The following LATS1 variants were observed in gnomAD, a reference collection of about 807,000 sequenced individuals.
LATS1 encodes the protein large tumor suppressor kinase 1.
LATS1 carries 25 observed loss-of-function variants against 106.6 expected under a neutral mutation model. The observed-to-expected ratio is 0.23, with a 90% CI of 0.17 to 0.33. The LOEUF is 0.33. Among genes scored for constraint, LATS1 ranks in the 10% least tolerant of loss-of-function variants. LATS1 has a pLI of 1.00. For synonymous variants in LATS1, 465 were observed against 455.6 expected (o/e 1.02, Z -0.26); for missense variants, 1,040 against 1,382.6 (o/e 0.75, Z 3.93).
chr6:149,694,089 C>CAAAAAAA (rs1782929934), intron 3 of LATS1, among the ~76,000 whole-genome samples: 1 of 151,398 alleles, frequency 6.6e-6, no homozygotes, highest in Non-Finnish European at 1.5e-5. Context: ...AACTCCATCT[C>CAAAAAAA]AAAAAAATAA....
chr6:149,701,907 G>A lies in LATS1; in HGVS notation c.220C>T (p.His74Tyr). 1 of 1,614,118 alleles carries A rather than the reference G, an allele frequency of 6.2e-7. No homozygotes were observed. Among genetic ancestry groups the A allele is most frequent in the African/African-American group, 1.3e-5 (1 of 75,050 alleles). ...QVRNPPKFGT[H>Y]HKALQEIRNS... The stretch of plus-strand genomic sequence containing the variant: ...CGAATTTCCTGCAAGGCTTTATGAT[G>A]CGTCCCAAATTTGGGTGGATTTCTG... The change falls in exon 2 of 8, where the codon CAT (histidine) becomes TAT (tyrosine). Residue 74 changes from histidine (H) to tyrosine (Y), a missense_variant. By Grantham distance (83) the His-to-Tyr change is moderately conservative. This residue lies in a region of LATS1 where 624 missense variants were observed against 714.8 expected (regional missense o/e 0.87). Coordinates refer to ENST00000543571, the MANE Select transcript of LATS1 (RefSeq NM_004690.4).
chr6:149,659,082 T>C lies in LATS1; in HGVS notation c.*2647A>G, dbSNP rs1050365630. The stretch of plus-strand genomic sequence containing the variant: ...TTTGGAATAAGATAGCTGATAAGTA[T>C]ATCCAAACTGTTAAAATTGCTGATA... On this transcript the variant is annotated 3_prime_UTR_variant, in exon 8 of 8. Coordinates refer to ENST00000543571, the MANE Select transcript of LATS1 (RefSeq NM_004690.4). The C allele has an allele frequency of 3.8e-5, 6 of 155,896 alleles. No homozygotes were observed. The highest frequency in any genetic ancestry group is 1.2e-4 in the African/African-American group (5 of 41,560). The allele number at this position is 155,896 out of a possible 1,614,324, so 9.7% of individuals were successfully genotyped here.
At position 149,684,031 on chromosome 6, in the gene LATS1, T is replaced by G; in HGVS notation, c.1058A>C (p.Gln353Pro). 6.2e-7 allele frequency: 1 copy of G among 1,614,142 alleles called. No homozygotes were observed. The highest frequency in any genetic ancestry group is 8.5e-7 in the Non-Finnish European group (1 of 1,180,020). The change falls in exon 4 of 8, where the codon CAA becomes CCA. Residue 353 changes from glutamine (Q) to proline (P), a missense_variant. Physicochemically the swap from Gln to Pro is moderately conservative, Grantham distance 76. Coordinates refer to ENST00000543571, the MANE Select transcript of LATS1 (RefSeq NM_004690.4). The stretch of plus-strand genomic sequence containing the variant: ...ATTTTGGTGTATCATGAAATCAGTT[T>G]GTCCAGTACCATTCTGCATTCCAGG... ...GRPGMQNGTG[Q>P]TDFMIHQNVV... is the part of the protein sequence containing the mutation.
intron 3 of LATS1, 146 bp downstream of exon 3, chr6:149,694,928 A>G: frequency 1.6e-6 from 1 of 623,898 alleles, no homozygotes; most frequent in Non-Finnish European, 2.6e-6. Context: ...TCATTTTGGT[A>G]TAACATTATA....
intron 2 of LATS1, among the ~76,000 whole-genome samples, chr6:149,698,959 C>T (rs1783279720): frequency 6.6e-6 from 1 of 151,828 alleles, no homozygotes; most frequent in Non-Finnish European, 1.5e-5. Flanking sequence ...TTATGTGCTC[C>T]AAGAATGCAT....
At chr6:149,671,053 C>T (rs1781421541) in intron 7 of LATS1, among the ~76,000 whole-genome samples, 1 of 151,792 alleles carries the variant, frequency 6.6e-6, no homozygotes, top group South Asian at 2.1e-4. Flanking sequence ...TAAGCTTTAT[C>T]TATATATATG....
Position 149,679,894 on chromosome 6 carries a change from A to T in LATS1, c.2574T>A (p.Asp858Glu). The T allele has an allele frequency of 6.2e-7, 1 of 1,602,484 alleles. No homozygotes were observed. Among genetic ancestry groups the T allele is most frequent in the Non-Finnish European group, 8.5e-7 (1 of 1,174,582 alleles). The change falls in exon 5 of 8, where the codon GAT becomes GAA. Residue 858 changes from aspartate to glutamate, a missense_variant. Asp to Glu is a conservative substitution (Grantham distance 45). Coordinates refer to ENST00000543571, the MANE Select transcript of LATS1 (RefSeq NM_004690.4). Reference protein sequence around the residue: ...GLCTGFRWTHDSKYYQSGDHP... With the variant: ...GLCTGFRWTHESKYYQSGDHP... ...ACTTACCACTCTGATAGTACTTAGA[A>T]TCGTGTGTCCATCTGAAGCCAGTGC...
intron 1 of LATS1, among the ~76,000 whole-genome samples, chr6:149,713,299 CTTT>C (rs879912031): frequency 6.9e-6 from 1 of 145,098 alleles, no homozygotes; most frequent in African/African-American, 2.5e-5. Context: ...GTATTATTTT[CTTT>C]TTTTTTTTTT....
chr6:149,686,367 C>A (rs1352582760), intron 3 of LATS1, among the ~76,000 whole-genome samples: 1 of 152,204 alleles, frequency 6.6e-6, no homozygotes, highest in Non-Finnish European at 1.5e-5. Context: ...CCAGCTGAGG[C>A]CAAATACACC....
At chr6:149,710,503 T>C (rs1160916990) in intron 1 of LATS1, among the ~76,000 whole-genome samples, 1 of 152,192 alleles carries the variant, frequency 6.6e-6, no homozygotes, top group East Asian at 1.9e-4. Flanking sequence ...ATCTGGCCAT[T>C]GTCCATCTGT....
rs1429503800 is a variant in LATS1 at position 149,717,986 on chromosome 6, C to T, written c.-278G>A. 2 of 364,904 alleles carry T rather than the reference C, an allele frequency of 5.5e-6. No individual in the cohort carries two copies. Among genetic ancestry groups the T allele is most frequent in the Admixed American group, 9.2e-5 (2 of 21,742 alleles). The allele number at this position is 364,904 out of a possible 1,614,324, so 22.6% of individuals were successfully genotyped here. ...AGACGAACGGGGGGGCTGCCGCGGG[C>T]CAGCGCGGCCCGTCCCAGGGGTCGT... On this transcript the variant is annotated 5_prime_UTR_variant, in exon 1 of 8. Transcript: ENST00000543571.
rs1254624013 is a variant in LATS1 at position 149,659,697 on chromosome 6, TA to T, written c.*2031del. On this transcript the variant is annotated 3_prime_UTR_variant, in exon 8 of 8. Coordinates refer to ENST00000543571, the MANE Select transcript of LATS1 (RefSeq NM_004690.4). ...CCCAAAGAGTAAGAGGAATACCTTA[TA>T]AATGTGACTACCCACCTAAAAATTC... The T allele has an allele frequency of 4.4e-6, 1 of 228,150 alleles. No individual in the cohort carries two copies. The highest frequency in any genetic ancestry group is 2.2e-5 in the African/African-American group (1 of 45,094). 14.1% of individuals were successfully genotyped at this position (228,150 alleles called of 1,614,324 possible). A position where few individuals can be genotyped will look rare whatever the true frequency, so the allele number is the denominator to read the frequency against.
intron 3 of LATS1, among the ~76,000 whole-genome samples, chr6:149,688,307 G>T (rs764509981): frequency 5.3e-5 from 8 of 151,656 alleles, no homozygotes; most frequent in Non-Finnish European, 8.8e-5. Context: ...TGGGTTTTTT[G>T]TTTGTTTGTT....
intron 4 of LATS1, among the ~76,000 whole-genome samples, chr6:149,681,687 A>G (rs979470425): frequency 1.3e-5 from 2 of 152,248 alleles, no homozygotes; most frequent in Admixed American, 1.3e-4. Flanking sequence ...ATACTGTAAA[A>G]TCAGATTTAT....
chr6:149,691,860 T>TA (rs1782774350), intron 3 of LATS1, among the ~76,000 whole-genome samples: 1 of 152,224 alleles, frequency 6.6e-6, no homozygotes, highest in African/African-American at 2.4e-5. Flanking sequence ...TTTCTTAATG[T>TA]AGGGTATTAT....
At chr6:149,708,304 A>G (rs1335438694) in intron 1 of LATS1, among the ~76,000 whole-genome samples, 1 of 151,830 alleles carries the variant, frequency 6.6e-6, no homozygotes, top group Non-Finnish European at 1.5e-5. Flanking sequence ...AGTCCCAGCT[A>G]CTCGGAAGGC....
At chr6:149,713,389 G>C (rs1175306780) in intron 1 of LATS1, among the ~76,000 whole-genome samples, 1 of 151,812 alleles carries the variant, frequency 6.6e-6, no homozygotes, top group African/African-American at 2.4e-5. Context: ...CTGCCTCCCG[G>C]GTTCAAGCAA....
chr6:149,712,981 C>A (rs1784188649), intron 1 of LATS1, among the ~76,000 whole-genome samples: 1 of 152,032 alleles, frequency 6.6e-6, no homozygotes, highest in South Asian at 2.1e-4. Flanking sequence ...GGCATCAGAG[C>A]AAAACTCTGT....
At chr6:149,708,611 T>C (rs932861203) in intron 1 of LATS1, among the ~76,000 whole-genome samples, 1 of 152,010 alleles carries the variant, frequency 6.6e-6, no homozygotes, top group African/African-American at 2.4e-5. Flanking sequence ...ATGTAACATA[T>C]CTCAATTCTG....
Sources: allele counts gnomAD v4.1 joint callset (sites outside exome capture counted in the v4.1 genomes callset), GRCh38; gene constraint gnomAD v4.1.1; regional missense constraint gnomAD v4.1.1; transcripts MANE v1.5; gene names NCBI Gene and HGNC (gene_info 2026-07-23, HGNC 2026-07-21).